The following ADGRA3 variants were observed in gnomAD, a reference collection of about 807,000 sequenced individuals.
ADGRA3 encodes G-protein coupled receptor 125.
In ADGRA3, 56 loss-of-function variants were observed where a neutral mutation model predicts 119.8. The observed-to-expected ratio is 0.47, with a 90% CI of 0.38 to 0.58. The LOEUF is 0.58. Among genes scored for constraint, ADGRA3 ranks in the 20% least tolerant of loss-of-function variants. The pLI is 0.00. For missense variants in ADGRA3, 1,516 were observed against 1,649.0 expected (o/e 0.92, Z 1.40); for synonymous variants, 607 against 623.8 (o/e 0.97, Z 0.40).
intron 1 of ADGRA3, among the ~76,000 whole-genome samples, chr4:22,493,844 C>T (rs1312419349): frequency 6.6e-6 from 1 of 152,098 alleles, no homozygotes; most frequent in African/African-American, 2.4e-5. Context: ...TAAAAAACCT[C>T]GCTAATAAAA....
At chr4:22,425,208 G>C (rs1181834749) in intron 10 of ADGRA3, among the ~76,000 whole-genome samples, 1 of 151,956 alleles carries the variant, frequency 6.6e-6, no homozygotes, top group Admixed American at 6.6e-5. Context: ...CCATCCCCTT[G>C]CACACGTGGT....
At chr4:22,417,236 G>A (rs1715463445) in intron 12 of ADGRA3, among the ~76,000 whole-genome samples, 1 of 152,142 alleles carries the variant, frequency 6.6e-6, no homozygotes, top group Non-Finnish European at 1.5e-5. Flanking sequence ...TGCTAATTAA[G>A]TTTGGCTGTT....
In ADGRA3 at chr4:22,452,936, C is replaced by T. The variant is rs752068631; in HGVS notation, c.473+1930G>A. 6.6e-5 allele frequency among the ~76,000 whole-genome samples: 10 copies of T among 152,162 alleles called. No homozygotes were observed. The South Asian group carries it at 1.5e-3, about 22-fold the overall frequency. On this transcript the variant is annotated intron_variant, in intron 4 of 18. Coordinates refer to ENST00000334304, the MANE Select transcript of ADGRA3 (RefSeq NM_145290.4). Reference sequence around the variant, plus strand: ...AAATACAGCCAGGCGTGGTGGCTCACGCCTGTAATCCCAGCACTTTGGGAG... The same window carrying T: ...AAATACAGCCAGGCGTGGTGGCTCATGCCTGTAATCCCAGCACTTTGGGAG...
At chr4:22,507,962 A>G (rs1403730698) in intron 1 of ADGRA3, among the ~76,000 whole-genome samples, 1 of 152,196 alleles carries the variant, frequency 6.6e-6, no homozygotes, top group African/African-American at 2.4e-5. Context: ...TTGCTATAAT[A>G]AGGTAAACAT....
intron 2 of ADGRA3, among the ~76,000 whole-genome samples, chr4:22,463,993 C>T (rs1717567064): frequency 6.6e-6 from 1 of 152,118 alleles, no homozygotes; most frequent in Non-Finnish European, 1.5e-5. Flanking sequence ...GTCTTTCTTG[C>T]ATCTAATCCT....
intron 10 of ADGRA3, among the ~76,000 whole-genome samples, chr4:22,428,398 T>C (rs1395049054): frequency 6.6e-6 from 1 of 151,762 alleles, no homozygotes; most frequent in Non-Finnish European, 1.5e-5. Context: ...AGTAAAAATA[T>C]AAATTAAGCA....
Position 22,412,923 on chromosome 4 carries a change from T to C in ADGRA3, c.2232+259A>G, listed in dbSNP as rs150600021. Among the ~76,000 whole-genome samples the C allele has an allele frequency of 1.3e-3, 191 of 152,252 alleles. 1 individual carries two copies. Among genetic ancestry groups the C allele is most frequent in the Middle Eastern group, 3.4e-3 (1 of 294 alleles). ...CCAAGTTTTAAGGTCAAAGACTAAC[T>C]GAACTGATTGACTTATAAAGTTGAT... On this transcript the variant is annotated intron_variant, in intron 14 of 18. Coordinates refer to ENST00000334304, the MANE Select transcript of ADGRA3 (RefSeq NM_145290.4).
chr4:22,500,305 C>G (rs1719008460), intron 1 of ADGRA3, among the ~76,000 whole-genome samples: 2 of 152,186 alleles, frequency 1.3e-5, no homozygotes, highest in African/African-American at 4.8e-5. Context: ...CTATGTGTAA[C>G]CTGAGAAGAT....
At chr4:22,480,437 G>A (rs1718226348) in intron 1 of ADGRA3, among the ~76,000 whole-genome samples, 2 of 152,142 alleles carry the variant, frequency 1.3e-5, no homozygotes, top group African/African-American at 2.4e-5. Flanking sequence ...TACTCAGGAG[G>A]TGAAGGTGGG....
chr4:22,515,499 G>C (rs754539836), intron 1 of ADGRA3, 29 bp downstream of exon 1: 8 of 1,597,828 alleles, frequency 5.0e-6, no homozygotes, highest in Non-Finnish European at 6.8e-6. Flanking sequence ...CCGAGCGGGA[G>C]AGGACCCAGC....
Position 22,438,493 on chromosome 4 carries a change from C to T in ADGRA3, c.921-73G>A, listed in dbSNP as rs142375322. On this transcript the variant is annotated intron_variant, in intron 7 of 18. Transcript: ENST00000334304. The stretch of plus-strand genomic sequence containing the variant: ...AAAGGAGACAATAATGGGTCTCAAT[C>T]ATTAATTTAGCAAATATTTTTGAAT... The T allele has an allele frequency of 5.1e-5, 60 of 1,178,484 alleles. No homozygotes were observed. In the African/African-American group the frequency reaches 8.9e-4, roughly 18 times the overall value. The allele number at this position is 1,178,484 out of a possible 1,614,324, so 73.0% of individuals were successfully genotyped here.
chr4:22,401,060 A>C (rs1378070766), intron 16 of ADGRA3, among the ~76,000 whole-genome samples: 1 of 152,126 alleles, frequency 6.6e-6, no homozygotes, highest in African/African-American at 2.4e-5. Context: ...CTCTTTTTCT[A>C]ATTTTTGTTT....
At chr4:22,440,510 G>A (rs570397027) in intron 7 of ADGRA3, among the ~76,000 whole-genome samples, 4 of 152,106 alleles carry the variant, frequency 2.6e-5, no homozygotes, top group African/African-American at 9.6e-5. Flanking sequence ...ACTGTCTCAG[G>A]CTTCACATGA....
chr4:22,479,744 C>T (rs1718194903), intron 1 of ADGRA3, among the ~76,000 whole-genome samples: 1 of 152,122 alleles, frequency 6.6e-6, no homozygotes, highest in Non-Finnish European at 1.5e-5. Context: ...TTGGAACCAA[C>T]CCAAATGCCC....
intron 10 of ADGRA3, among the ~76,000 whole-genome samples, chr4:22,434,932 T>C (rs1716333795): frequency 1.3e-5 from 2 of 152,218 alleles, no homozygotes; most frequent in African/African-American, 4.8e-5. Flanking sequence ...CTACAAGATC[T>C]GGGTGACTAA....
chr4:22,430,296 C>G (rs1265682006), intron 10 of ADGRA3, among the ~76,000 whole-genome samples: 1 of 152,048 alleles, frequency 6.6e-6, no homozygotes, highest in Non-Finnish European at 1.5e-5. Context: ...AACTGGGTAA[C>G]AAATAGGCGT....
chr4:22,429,009 A>G (rs954971541), intron 10 of ADGRA3, among the ~76,000 whole-genome samples: 2 of 152,184 alleles, frequency 1.3e-5, no homozygotes, highest in African/African-American at 4.8e-5. Flanking sequence ...CACATAAGGC[A>G]TGGCAGGAGT....
At chr4:22,395,925 A>C (rs1714330815) in intron 16 of ADGRA3, among the ~76,000 whole-genome samples, 1 of 152,168 alleles carries the variant, frequency 6.6e-6, no homozygotes, top group African/African-American at 2.4e-5. Flanking sequence ...CATTGCAGCA[A>C]TCCTCTAAAT....
chr4:22,505,727 G>A (rs1252289374), intron 1 of ADGRA3, among the ~76,000 whole-genome samples: 2 of 151,948 alleles, frequency 1.3e-5, no homozygotes, highest in Admixed American at 6.6e-5. Flanking sequence ...AGAGGAAGAT[G>A]CAGATTAAAT....
Sources: gnomAD v4.1 joint callset for allele counts (sites outside exome capture counted in the v4.1 genomes callset) on GRCh38, gnomAD v4.1.1 for gene constraint, MANE v1.5 for transcripts, NCBI Gene and HGNC (gene_info 2026-07-23, HGNC 2026-07-21) for gene names.